Variants in NTM observed in about 807,000 individuals in gnomAD.
NTM encodes the protein neurotrimin.
Under a neutral mutation model 42.1 loss-of-function variants are expected in NTM, and 13 were observed. That is an observed-to-expected ratio of 0.31 (90% CI 0.20 to 0.49). The LOEUF is 0.49. NTM is among the 20% of genes least tolerant of loss of function. The pLI is 0.99. For missense variants in NTM, 373 were observed against 452.8 expected (o/e 0.82, Z 1.60); for synonymous variants, 187 against 179.2 (o/e 1.04, Z -0.35).
chr11:131,395,770 G>A (rs762235432), intron 1 of NTM, among the ~76,000 whole-genome samples: 5 of 152,338 alleles, frequency 3.3e-5, no homozygotes, highest in South Asian at 2.1e-4. Context: ...TGGGGTTGAT[G>A]AAGTCTGGCT....
At chr11:131,421,915 A>G (rs1550972) in intron 1 of NTM, among the ~76,000 whole-genome samples, 106,517 of 152,072 alleles carry the variant, frequency 0.7, 37,589 homozygotes, top group East Asian at 0.9. Flanking sequence ...TTTTACTTCC[A>G]TAATTATTGG....
intron 1 of NTM, among the ~76,000 whole-genome samples, chr11:131,467,638 C>T (rs1052947909): frequency 3.3e-5 from 5 of 152,218 alleles, no homozygotes; most frequent in Admixed American, 6.5e-5. Flanking sequence ...AAACTGCAGG[C>T]TGCAATCCAT....
At chr11:132,176,565 G>T (rs568117655) in intron 3 of NTM, among the ~76,000 whole-genome samples, 1 of 151,734 alleles carries the variant, frequency 6.6e-6, no homozygotes, top group South Asian at 2.1e-4. Context: ...AATATTTGAG[G>T]GACTATTTTC....
intron 1 of NTM, among the ~76,000 whole-genome samples, chr11:131,566,789 A>C (rs2056935683): frequency 6.6e-6 from 1 of 152,162 alleles, no homozygotes; most frequent in African/African-American, 2.4e-5. Flanking sequence ...GTTCTGAAAA[A>C]GAGAGAGGGG....
At chr11:132,092,241 C>T (rs1410341915) in intron 2 of NTM, among the ~76,000 whole-genome samples, 1 of 152,184 alleles carries the variant, frequency 6.6e-6, no homozygotes, top group East Asian at 1.9e-4. Context: ...CTGTCTCTTC[C>T]CTGTGATAGC....
chr11:131,937,838 G>A (rs1444916150), intron 2 of NTM, among the ~76,000 whole-genome samples: 1 of 152,184 alleles, frequency 6.6e-6, no homozygotes, highest in Non-Finnish European at 1.5e-5. Context: ...TGTAGGGCAT[G>A]TTCAGCAAAG....
chr11:132,200,161 G>T (rs1592179114), intron 3 of NTM, among the ~76,000 whole-genome samples: 2 of 152,112 alleles, frequency 1.3e-5, no homozygotes, highest in East Asian at 3.9e-4. Flanking sequence ...GGATTTAGTG[G>T]CAATAAGGTC....
chr11:131,765,199 C>T (rs1431117491), intron 1 of NTM, among the ~76,000 whole-genome samples: 1 of 152,172 alleles, frequency 6.6e-6, no homozygotes, highest in Admixed American at 6.5e-5. Flanking sequence ...AGCAGCCAGC[C>T]CGATCACCTT....
chr11:131,445,036 C>T (rs905288955), intron 1 of NTM, among the ~76,000 whole-genome samples: 1 of 152,128 alleles, frequency 6.6e-6, no homozygotes, highest in Non-Finnish European at 1.5e-5. Flanking sequence ...TAGTATAATA[C>T]CAAGAAGTCA....
At chr11:132,004,605 T>TCTCTCTC (rs1331959288) in intron 2 of NTM, among the ~76,000 whole-genome samples, 1 of 144,046 alleles carries the variant, frequency 6.9e-6, no homozygotes, top group Non-Finnish European at 1.5e-5. Context: ...CTTTCTCTCT[T>TCTCTCTC]TCTCTCTCTC....
chr11:131,790,210 C>T (rs75317571), intron 1 of NTM, among the ~76,000 whole-genome samples: 5,509 of 151,858 alleles, frequency 0.036, 331 homozygotes, highest in African/African-American at 0.12. Context: ...AGGTAAAATC[C>T]GAGCAAATCA....
chr11:131,898,050 T>C (rs1816002284), intron 1 of NTM, among the ~76,000 whole-genome samples: 2 of 152,178 alleles, frequency 1.3e-5, no homozygotes, highest in South Asian at 4.1e-4. Context: ...ATGTTATTCT[T>C]GGATGGAGAG....
intron 1 of NTM, among the ~76,000 whole-genome samples, chr11:131,672,116 C>T (rs1255854798): frequency 6.6e-6 from 1 of 152,224 alleles, no homozygotes; most frequent in African/African-American, 2.4e-5. Flanking sequence ...GCTTTCCACA[C>T]CATGGGTCCG....
chr11:131,414,757 C>T (rs1946768401), intron 1 of NTM, among the ~76,000 whole-genome samples: 1 of 152,190 alleles, frequency 6.6e-6, no homozygotes. Context: ...AATCAGCCTG[C>T]CTATTTCTTC....
chr11:132,257,467 G>T (rs114500501), intron 4 of NTM, among the ~76,000 whole-genome samples: 2 of 152,268 alleles, frequency 1.3e-5, no homozygotes, highest in East Asian at 1.9e-4. Flanking sequence ...AAGAGCTAAC[G>T]GCATCTGTCC....
At chr11:131,884,426 A>G (rs2050045512) in intron 1 of NTM, among the ~76,000 whole-genome samples, 1 of 152,164 alleles carries the variant, frequency 6.6e-6, no homozygotes, top group South Asian at 2.1e-4. Flanking sequence ...AAAAAAAAAG[A>G]AAGAAAAAAG....
At position 131,859,170 on chromosome 11, in the gene NTM, T is replaced by C. The variant is rs183744858; in HGVS notation, c.83-52394T>C. Among the ~76,000 whole-genome samples the C allele has an allele frequency of 2.9e-3, 439 of 152,354 alleles. 1 individual carries two copies. Among genetic ancestry groups the C allele is most frequent in the African/African-American group, 1.0e-2 (415 of 41,586 alleles). On this transcript the variant is annotated intron_variant, in intron 1 of 8. Coordinates refer to ENST00000683400, the MANE Select transcript of NTM (RefSeq NM_001352005.2). ...AGAGACACATCGGGTGTCTTCCTGG[T>C]GCCAGGTATGTTTCAGAGAATATGG... is the stretch of plus-strand genomic sequence containing the variant.
At chr11:131,734,090 CAA>C (rs565991610) in intron 1 of NTM, among the ~76,000 whole-genome samples, 56 of 152,232 alleles carry the variant, frequency 3.7e-4, no homozygotes, top group African/African-American at 1.2e-3. Context: ...TATCTGACAA[CAA>C]AGAGACCCTC....
In NTM at chr11:132,217,380, GTGTGTGTGTGTA is replaced by G. The variant is rs1280105953; in HGVS notation, c.526+5239_526+5250del. 1.2e-3 allele frequency among the ~76,000 whole-genome samples: 183 copies of G among 151,550 alleles called. 1 individual carries two copies. The East Asian group carries it at 0.024, about 20-fold the overall frequency. On this transcript the variant is annotated intron_variant, in intron 4 of 8. Coordinates refer to ENST00000683400, the MANE Select transcript of NTM (RefSeq NM_001352005.2). ...TTTCTGTGTGTGTGTGTGTGTGTGTGTGTGTGTGTGTATGTGTATGTGTATGTGTGGGGTGTG... is the reference window on the plus strand; with the variant it reads ...TTTCTGTGTGTGTGTGTGTGTGTGTGTGTGTATGTGTATGTGTGGGGTGTG...
Sources: allele counts gnomAD v4.1 joint callset (sites outside exome capture counted in the v4.1 genomes callset), GRCh38; gene constraint gnomAD v4.1.1; transcripts MANE v1.5; gene names NCBI Gene and HGNC (gene_info 2026-07-23, HGNC 2026-07-21).